DAW1: variants seen among roughly 807,000 people sequenced by gnomAD.
DAW1 encodes the protein dynein assembly factor with WD repeat domains 1.
DAW1 carries 47 observed loss-of-function variants against 56.5 expected under a neutral mutation model. The ratio of observed to expected loss-of-function variants is 0.83; its 90% CI spans 0.66 to 1.06. The LOEUF is 1.06. Ranked by LOEUF, DAW1 falls within the 50% of genes least tolerant of loss-of-function variation. The probability of loss-of-function intolerance (pLI) is 0.00; values close to 1 mark genes in which losing one functional copy is unlikely to be tolerated. For missense variants in DAW1, 505 were observed against 499.3 expected, an observed-to-expected ratio of 1.01 and a Z score of -0.11; for synonymous variants, 190 against 179.0, an observed-to-expected ratio of 1.06 and a Z score of -0.49.
At chr2:227,897,253 C>T (rs1474024703) in intron 5 of DAW1, among the ~76,000 whole-genome samples, 2 of 152,200 alleles carry the variant, frequency 1.3e-5, no homozygotes, top group Admixed American at 6.5e-5. Flanking sequence ...TTTGCCAGTA[C>T]AAGCTGCCCT....
intron 5 of DAW1, among the ~76,000 whole-genome samples, chr2:227,895,901 A>G (rs950610375): frequency 1.3e-5 from 2 of 152,222 alleles, no homozygotes; most frequent in African/African-American, 2.4e-5. Flanking sequence ...AGATATGACA[A>G]TACACTCATG....
chr2:227,890,589 C>T (rs1424678596), intron 3 of DAW1, among the ~76,000 whole-genome samples: 1 of 152,062 alleles, frequency 6.6e-6, no homozygotes, highest in Non-Finnish European at 1.5e-5. Context: ...ATGATAGTAA[C>T]ATATAATTAT....
intron 1 of DAW1, 151 bp downstream of exon 1, chr2:227,871,880 T>G: frequency 1.1e-6 from 1 of 883,206 alleles, no homozygotes; most frequent in Non-Finnish European, 1.8e-6. Flanking sequence ...GTGCCCCTCA[T>G]TCCTTCAGAT....
chr2:227,886,343 G>A (rs1262809926), intron 2 of DAW1, among the ~76,000 whole-genome samples: 5 of 152,092 alleles, frequency 3.3e-5, no homozygotes, highest in Admixed American at 2.0e-4. Flanking sequence ...ATAGCTGGGC[G>A]TGGTTGCTCA....
At chr2:227,894,135 C>T (rs1442158269) in intron 5 of DAW1, among the ~76,000 whole-genome samples, 1 of 152,116 alleles carries the variant, frequency 6.6e-6, no homozygotes, top group East Asian at 1.9e-4. Context: ...GGCGTGGTGG[C>T]TCACGCCTGT....
At chr2:227,907,616 C>T (rs909817531) in intron 10 of DAW1, among the ~76,000 whole-genome samples, 3 of 152,132 alleles carry the variant, frequency 2.0e-5, no homozygotes, top group Non-Finnish European at 2.9e-5. Context: ...GGTGCGATCT[C>T]GGCTCAACGC....
In DAW1 at chr2:227,921,568, A is replaced by G. The variant is rs771529144; in HGVS notation, c.1213+7A>G. 1.2e-5 allele frequency: 19 copies of G among 1,612,340 alleles called. No homozygotes were observed. Among genetic ancestry groups the G allele is most frequent in the Non-Finnish European group, 6.8e-6 (8 of 1,179,078 alleles). ...GGCAACATAGTCATTACAGGTATGG[A>G]AGACATCAACACCATAGACTCATTT... On this transcript the variant is annotated splice_region_variant and intron_variant, in intron 12 of 12. Transcript: ENST00000309931.
Position 227,886,361 on chromosome 2 carries a change from A to C in DAW1, c.113+938A>C, listed in dbSNP as rs1036818877. 4.6e-5 allele frequency among the ~76,000 whole-genome samples: 7 copies of C among 152,154 alleles called. 1 individual carries two copies. The highest frequency in any genetic ancestry group is 2.6e-4 in the Admixed American group (4 of 15,274). On this transcript the variant is annotated intron_variant, in intron 2 of 12. Transcript: ENST00000309931. Reference sequence around the variant, plus strand: ...GCTGGGCGTGGTTGCTCACACTTGTAATTTCAGCACTTTAGGAGGCCGAGG... The same window carrying C: ...GCTGGGCGTGGTTGCTCACACTTGTCATTTCAGCACTTTAGGAGGCCGAGG...
intron 2 of DAW1, among the ~76,000 whole-genome samples, chr2:227,885,878 A>G (rs1015441437): frequency 2.6e-5 from 4 of 152,016 alleles, no homozygotes; most frequent in Admixed American, 2.6e-4. Context: ...ATCCTACATG[A>G]CATTTAGCCA....
chr2:227,889,313 T>G (rs989451925), intron 2 of DAW1, among the ~76,000 whole-genome samples: 3 of 152,140 alleles, frequency 2.0e-5, no homozygotes, highest in Admixed American at 2.0e-4. Flanking sequence ...CCCCTACAAG[T>G]TTGGCATCTG....
At chr2:227,916,635 C>T (rs866118555) in intron 10 of DAW1, among the ~76,000 whole-genome samples, 1 of 152,052 alleles carries the variant, frequency 6.6e-6, no homozygotes, top group Non-Finnish European at 1.5e-5. Flanking sequence ...ATGTCATATC[C>T]GTGATGGCCA....
Position 227,891,258 on chromosome 2 carries a change from CT to C in DAW1, c.263del (p.Leu88ProfsTer8). 6.2e-7 allele frequency: 1 copy of C among 1,612,732 alleles called. No individual in the cohort carries two copies. The highest frequency in any genetic ancestry group is 8.5e-7 in the Non-Finnish European group (1 of 1,179,528). ...ATGGTGTTTTCTTTCACTGAAGGTT[CT>C]CAAAGCACATATATTGCCACTGACT... ...SNHTFYLFKV[L>X]KAHILPLTNV... On this transcript the variant is annotated frameshift_variant, in exon 4 of 13. Coordinates refer to ENST00000309931, the MANE Select transcript of DAW1 (RefSeq NM_178821.3). LOFTEE classifies it high-confidence loss of function.
At position 227,912,373 on chromosome 2, in the gene DAW1, C is replaced by G. The variant is rs766611814; in HGVS notation, c.973+5121C>G. 1.1e-4 allele frequency: 141 copies of G among 1,304,782 alleles called. No homozygotes were observed. The African/African-American group carries it at 1.7e-3, about 16-fold the overall frequency. 80.8% of individuals were successfully genotyped at this position (1,304,782 alleles called of 1,614,324 possible). A position where few individuals can be genotyped will look rare whatever the true frequency, so the allele number is the denominator to read the frequency against. ...TCAGCCGCCCGAGTTATGTCACGTTCTTGGTAATCATGTTTGATGTTATCC... is the reference window on the plus strand; with the variant it reads ...TCAGCCGCCCGAGTTATGTCACGTTGTTGGTAATCATGTTTGATGTTATCC... On this transcript the variant is annotated intron_variant, in intron 10 of 12. Transcript: ENST00000309931.
At chr2:227,897,841 CTA>C (rs369674176) in intron 5 of DAW1, among the ~76,000 whole-genome samples, 12 of 151,754 alleles carry the variant, frequency 7.9e-5, no homozygotes, top group African/African-American at 1.9e-4. Flanking sequence ...CATAATTTTT[CTA>C]TGTTTACACA....
rs753819311 is a variant in DAW1 at position 227,921,423 on chromosome 2, C to T, written c.1075C>T (p.His359Tyr). ...GATTTCTTTCAACCCTCAAGGGAAC[C>T]ATCTTCTAACTGGCAGCTCTGACAA... ...SKISFNPQGN[H>Y]LLTGSSDKTA... is the part of the protein sequence containing the mutation. The change falls in exon 12 of 13, where the codon CAT becomes TAT. Residue 359 changes from histidine to tyrosine, a missense_variant. Coordinates refer to ENST00000309931, the MANE Select transcript of DAW1 (RefSeq NM_178821.3). The T allele has an allele frequency of 5.6e-6, 9 of 1,594,250 alleles. No homozygotes were observed. Among genetic ancestry groups the T allele is most frequent in the Non-Finnish European group, 7.7e-6 (9 of 1,168,758 alleles).
At chr2:227,890,088 C>T in intron 3 of DAW1, 88 bp downstream of exon 3, 1 of 1,339,806 alleles carries the variant, frequency 7.5e-7, no homozygotes, top group Non-Finnish European at 9.9e-7. Context: ...AATATTTTTT[C>T]ATGAAAAAGG....
At chr2:227,918,963 G>A in intron 11 of DAW1, 107 bp downstream of exon 11, 1 of 1,159,076 alleles carries the variant, frequency 8.6e-7, no homozygotes, top group Non-Finnish European at 1.2e-6. Flanking sequence ...GAGAGGAAAA[G>A]GTGAGAAGAT....
chr2:227,888,774 A>G (rs895660935), intron 2 of DAW1, among the ~76,000 whole-genome samples: 5 of 152,208 alleles, frequency 3.3e-5, no homozygotes, highest in African/African-American at 9.7e-5. Flanking sequence ...GTGTATATAC[A>G]TTGATACCTT....
chr2:227,912,409 T>G, intron 10 of DAW1: 1 of 1,304,898 alleles, frequency 7.7e-7, no homozygotes, highest in African/African-American at 1.5e-5. Context: ...GGTGTGTTCA[T>G]CTCTTTGATC....
Sources: gnomAD v4.1 joint callset for allele counts (sites outside exome capture counted in the v4.1 genomes callset) on GRCh38, gnomAD v4.1.1 for gene constraint, MANE v1.5 for transcripts, NCBI Gene and HGNC (gene_info 2026-07-23, HGNC 2026-07-21) for gene names.